RNFT2: variants seen among roughly 807,000 people sequenced by gnomAD.
The protein encoded by RNFT2 is ring finger protein, transmembrane 2, also known as E3 ubiquitin-protein ligase RNFT2.
RNFT2 carries 36 observed loss-of-function variants against 53.0 expected under a neutral mutation model. The observed-to-expected ratio is 0.68, with a 90% CI of 0.52 to 0.90. The LOEUF is 0.90. Ranked by LOEUF, RNFT2 falls within the 40% of genes least tolerant of loss-of-function variation. RNFT2 has a pLI of 0.00. For missense variants in RNFT2, 514 were observed against 585.6 expected (o/e 0.88, Z 1.26); for synonymous variants, 260 against 253.2 (o/e 1.03, Z -0.26).
At chr12:116,762,580 ATT>A (rs112850108) in intron 5 of RNFT2, among the ~76,000 whole-genome samples, 15 of 137,728 alleles carry the variant, frequency 1.1e-4, no homozygotes, top group African/African-American at 8.1e-5. Context: ...TTCTCTACCA[ATT>A]TTTTTTTTTT....
intron 5 of RNFT2, among the ~76,000 whole-genome samples, chr12:116,765,173 T>C (rs1872854342): frequency 6.6e-6 from 1 of 152,192 alleles, no homozygotes; most frequent in African/African-American, 2.4e-5. Context: ...AGTTTCTGTC[T>C]TCCCAGAACA....
intron 6 of RNFT2, among the ~76,000 whole-genome samples, chr12:116,778,775 G>A (rs1033188701): frequency 2.6e-5 from 4 of 152,196 alleles, no homozygotes; most frequent in Admixed American, 1.3e-4. Flanking sequence ...ACTTGAACCC[G>A]GGAGGTGGAG....
intron 7 of RNFT2, among the ~76,000 whole-genome samples, chr12:116,826,514 C>G (rs530740358): frequency 6.6e-6 from 1 of 152,310 alleles, no homozygotes; most frequent in African/African-American, 2.4e-5. Flanking sequence ...TATAAAACTG[C>G]TTAATTAGGG....
At position 116,853,012 on chromosome 12, in the gene RNFT2, A is replaced by G; in HGVS notation, c.*3564A>G. The G allele has an allele frequency of 2.1e-6, 1 of 478,154 alleles. No homozygotes were observed. Among genetic ancestry groups the G allele is most frequent in the Non-Finnish European group, 3.6e-6 (1 of 274,350 alleles). 29.6% of individuals were successfully genotyped at this position (478,154 alleles called of 1,614,324 possible). A position where few individuals can be genotyped will look rare whatever the true frequency, so the allele number is the denominator to read the frequency against. The stretch of plus-strand genomic sequence containing the variant: ...TGGGGGACACACAGGGGCAGATGGG[A>G]TGGTTTAGTTTAGGATTTTATTAGT... On this transcript the variant is annotated 3_prime_UTR_variant, in exon 11 of 11. Transcript: ENST00000257575.
intron 7 of RNFT2, among the ~76,000 whole-genome samples, chr12:116,801,809 TTTG>T (rs1377240643): frequency 9.5e-4 from 98 of 103,160 alleles, no homozygotes; most frequent in African/African-American, 7.7e-3. Context: ...GTTTTTTTTG[TTTG>T]TTTGTTTGTT....
chr12:116,817,105 T>C (rs1875725309), intron 7 of RNFT2, among the ~76,000 whole-genome samples: 1 of 152,190 alleles, frequency 6.6e-6, no homozygotes, highest in African/African-American at 2.4e-5. Flanking sequence ...CTCCACCTTC[T>C]GGGTTCAAGC....
chr12:116,753,955 G>A, intron 4 of RNFT2, 29 bp from the exon 5 acceptor site: 9 of 1,606,132 alleles, frequency 5.6e-6, no homozygotes, highest in Non-Finnish European at 7.7e-6. Flanking sequence ...GTCTAAGTGG[G>A]TGACATCAGG....
intron 7 of RNFT2, among the ~76,000 whole-genome samples, chr12:116,793,210 C>CTTTT (rs35482097): frequency 1.7e-5 from 2 of 120,772 alleles, no homozygotes; most frequent in Non-Finnish European, 1.6e-5. Context: ...ATCCAGATAG[C>CTTTT]TTTTTTTTTT....
rs777267449 is a variant in RNFT2 at position 116,749,969 on chromosome 12, C to T, written c.212C>T (p.Ser71Leu). ...SGLSGSLPTS[S>L]FPSSLVLGSS... ...TTATCAGGCAGCCTCCCCACCAGCTCGTTCCCCTCCAGCCTGGTGCTGGGC... is the reference window on the plus strand; with the variant it reads ...TTATCAGGCAGCCTCCCCACCAGCTTGTTCCCCTCCAGCCTGGTGCTGGGC... The change falls in exon 4 of 11, where the codon TCG (serine) becomes TTG (leucine). Residue 71 changes from serine to leucine, a missense_variant. Physicochemically the swap from Ser to Leu is moderately radical, Grantham distance 145. This residue lies in a region of RNFT2 where 237 missense variants were observed against 235.1 expected (regional missense o/e 1.01). Transcript: ENST00000257575. 3 of 1,562,222 alleles carry T rather than the reference C, an allele frequency of 1.9e-6. No homozygotes were observed. Among genetic ancestry groups the T allele is most frequent in the Non-Finnish European group, 8.7e-7 (1 of 1,153,086 alleles).
At chr12:116,842,556 TTTTA>T (rs1258756804) in intron 10 of RNFT2, among the ~76,000 whole-genome samples, 60 of 146,660 alleles carry the variant, frequency 4.1e-4, no homozygotes, top group Non-Finnish European at 6.3e-4. Flanking sequence ...TCCTACTTTA[TTTTA>T]TTTATTTATT....
intron 7 of RNFT2, among the ~76,000 whole-genome samples, chr12:116,833,172 G>A (rs1197399397): frequency 6.6e-6 from 1 of 152,082 alleles, no homozygotes; most frequent in Non-Finnish European, 1.5e-5. Flanking sequence ...ACCTGCCTGG[G>A]CCTCCCAAAG....
At position 116,750,060 on chromosome 12, in the gene RNFT2, G is replaced by A. The variant is rs1228792234; in HGVS notation, c.303G>A (p.Arg101=). The change falls in exon 4 of 11, where the codon CGG becomes CGA. Residue 101 remains arginine (R), a synonymous_variant. Coordinates refer to ENST00000257575, the MANE Select transcript of RNFT2 (RefSeq NM_001382266.1). ...MPASREEGGG[R]GEGGAYHHRQ... is the part of the protein sequence containing the mutation. ...CGTCCAGGGAGGAAGGAGGGGGCCG[G>A]GGCGAGGGGGGCGCCTACCACCACC... The A allele has an allele frequency of 6.5e-7, 1 of 1,545,262 alleles. No homozygotes were observed. The highest frequency in any genetic ancestry group is 8.7e-7 in the Non-Finnish European group (1 of 1,147,940).
chr12:116,841,958 T>G (rs866892827), intron 10 of RNFT2, among the ~76,000 whole-genome samples: 1,461 of 6,346 alleles, frequency 0.23, 60 homozygotes, highest in South Asian at 0.33. Context: ...AATATATATA[T>G]AGAGAGAGAG....
intron 7 of RNFT2, among the ~76,000 whole-genome samples, chr12:116,780,822 C>A (rs1044210819): frequency 3.9e-5 from 6 of 152,082 alleles, no homozygotes; most frequent in Non-Finnish European, 7.4e-5. Flanking sequence ...CAGGTCGGCA[C>A]CACGCACTTG....
intron 7 of RNFT2, among the ~76,000 whole-genome samples, chr12:116,796,812 G>A (rs926698289): frequency 2.6e-5 from 4 of 152,146 alleles, no homozygotes; most frequent in African/African-American, 9.7e-5. Flanking sequence ...AACATTCTGT[G>A]TGTAAAGACA....
intron 7 of RNFT2, among the ~76,000 whole-genome samples, chr12:116,814,546 G>A (rs1306352654): frequency 5.3e-5 from 8 of 152,150 alleles, no homozygotes; most frequent in Non-Finnish European, 1.0e-4. Flanking sequence ...AGGTGGAAAC[G>A]TGCTTGGCAA....
At chr12:116,816,496 T>C (rs1428121628) in intron 7 of RNFT2, among the ~76,000 whole-genome samples, 1 of 152,066 alleles carries the variant, frequency 6.6e-6, no homozygotes, top group African/African-American at 2.4e-5. Context: ...AGGATCTTTA[T>C]AGGAAATTGG....
chr12:116,779,487 C>T, intron 7 of RNFT2, 139 bp downstream of exon 7: 1 of 873,080 alleles, frequency 1.1e-6, no homozygotes, highest in Middle Eastern at 3.5e-4. Flanking sequence ...GAGCTCATAG[C>T]TCCTGTCACC....
intron 6 of RNFT2, among the ~76,000 whole-genome samples, chr12:116,767,212 T>C (rs1872956771): frequency 6.6e-6 from 1 of 152,100 alleles, no homozygotes; most frequent in African/African-American, 2.4e-5. Context: ...TTGTTTTTTG[T>C]TTTGTCTGTT....
Sources: allele counts gnomAD v4.1 joint callset (sites outside exome capture counted in the v4.1 genomes callset), GRCh38; gene constraint gnomAD v4.1.1; regional missense constraint gnomAD v4.1.1; transcripts MANE v1.5; gene names NCBI Gene and HGNC (gene_info 2026-07-23, HGNC 2026-07-21).